Variants in ZNF609 observed in about 807,000 individuals in gnomAD.
ZNF609 encodes zinc finger protein 609.
Under a neutral mutation model 109.5 loss-of-function variants are expected in ZNF609, and 11 were observed. The observed-to-expected ratio is 0.10, with a 90% CI of 0.06 to 0.17. The LOEUF is 0.17. ZNF609 is among the 10% of genes least tolerant of loss of function. The pLI, the probability that ZNF609 is intolerant of heterozygous loss-of-function variation, is 1.00. For synonymous variants in ZNF609, 646 were observed against 662.0 expected (o/e 0.98, Z 0.37); for missense variants, 1,559 against 1,772.4 (o/e 0.88, Z 2.16).
intron 3 of ZNF609, among the ~76,000 whole-genome samples, chr15:64,629,234 A>G (rs958315302): frequency 1.3e-5 from 2 of 152,182 alleles, no homozygotes; most frequent in African/African-American, 4.8e-5. Flanking sequence ...GCCACTAGAT[A>G]GGGTCTGTAG....
At chr15:64,660,295 G>A (rs1355193636) in intron 3 of ZNF609, among the ~76,000 whole-genome samples, 1 of 152,104 alleles carries the variant, frequency 6.6e-6, no homozygotes, top group African/African-American at 2.4e-5. Context: ...TTCAGTGAGA[G>A]TTCATTCTGA....
At chr15:64,595,888 C>CT (rs1417695416) in intron 2 of ZNF609, among the ~76,000 whole-genome samples, 1 of 152,196 alleles carries the variant, frequency 6.6e-6, no homozygotes, top group Non-Finnish European at 1.5e-5. Context: ...ACAGTGACTG[C>CT]TATTGACAGA....
Position 64,682,024 on chromosome 15 carries a change from C to G in ZNF609, c.*338C>G, listed in dbSNP as rs2083212740. ...AGCCCAGAGAAGCCACTGCTCTGTT[C>G]CCCAAGCCCTTGGTCTGCTGCTGGA... On this transcript the variant is annotated 3_prime_UTR_variant, in exon 10 of 10. Transcript: ENST00000326648. The G allele has an allele frequency of 6.5e-6, 1 of 152,888 alleles. No individual in the cohort carries two copies. The highest frequency in any genetic ancestry group is 6.5e-5 in the Admixed American group (1 of 15,290). 9.5% of individuals were successfully genotyped at this position (152,888 alleles called of 1,614,324 possible).
intron 3 of ZNF609, among the ~76,000 whole-genome samples, chr15:64,639,817 A>G (rs941035653): frequency 1.3e-5 from 2 of 152,220 alleles, no homozygotes; most frequent in Admixed American, 6.5e-5. Flanking sequence ...TTTTCTAGAA[A>G]TGTGCATAAT....
chr15:64,476,058 G>A (rs1350245170), intron 1 of ZNF609, among the ~76,000 whole-genome samples: 4 of 152,174 alleles, frequency 2.6e-5, no homozygotes, highest in Non-Finnish European at 4.4e-5. Flanking sequence ...ATACATCCGA[G>A]CTGATAGAAA....
chr15:64,600,153 A>C (rs975558937), intron 2 of ZNF609, among the ~76,000 whole-genome samples: 1 of 152,112 alleles, frequency 6.6e-6, no homozygotes, highest in Non-Finnish European at 1.5e-5. Flanking sequence ...CCCCATCTCT[A>C]AAAAATAGAA....
chr15:64,661,272 A>G (rs970011647), intron 3 of ZNF609, among the ~76,000 whole-genome samples: 1 of 152,280 alleles, frequency 6.6e-6, no homozygotes, highest in South Asian at 2.1e-4. Flanking sequence ...GCGTATCACT[A>G]TCTGACATAT....
Position 64,674,357 on chromosome 15 carries a change from C to A in ZNF609, c.1503C>A (p.Asn501Lys). The change falls in exon 5 of 10, where the codon AAC becomes AAA. Residue 501 changes from asparagine (N) to lysine (K), a missense_variant. Asn to Lys is a moderately conservative substitution (Grantham distance 94). Transcript: ENST00000326648. The part of the protein sequence containing the change: ...SPVLIDCPHP[N>K]CNKKYKHING... The stretch of plus-strand genomic sequence containing the variant: ...TCCTAATTGACTGTCCCCACCCAAA[C>A]TGCAACAAGAAGTACAAGCACATCA... 1 of 1,614,142 alleles carries A rather than the reference C, an allele frequency of 6.2e-7. No individual in the cohort carries two copies. The highest frequency in any genetic ancestry group is 8.5e-7 in the Non-Finnish European group (1 of 1,180,036).
At chr15:64,517,380 C>G (rs1893829333) in intron 2 of ZNF609, among the ~76,000 whole-genome samples, 1 of 152,048 alleles carries the variant, frequency 6.6e-6, no homozygotes, top group South Asian at 2.1e-4. Context: ...CTGTCTCAAA[C>G]AAAACAAAAC....
chr15:64,515,443 C>T (rs551515932), intron 2 of ZNF609, among the ~76,000 whole-genome samples: 1 of 152,158 alleles, frequency 6.6e-6, no homozygotes, highest in Admixed American at 6.5e-5. Context: ...GCACAATATG[C>T]CTCTCCCTGG....
At chr15:64,528,929 G>T in intron 2 of ZNF609, 1 of 1,247,842 alleles carries the variant, frequency 8.0e-7, no homozygotes. Flanking sequence ...GGTTTTTCCA[G>T]ACGACAGGTC....
intron 2 of ZNF609, chr15:64,529,615 G>C: frequency 8.8e-7 from 1 of 1,140,254 alleles, no homozygotes; most frequent in Non-Finnish European, 1.3e-6. Flanking sequence ...AGCAGTCATG[G>C]TGCACCAGGC....
intron 2 of ZNF609, among the ~76,000 whole-genome samples, chr15:64,504,957 C>A (rs956501881): frequency 2.6e-5 from 4 of 152,124 alleles, no homozygotes; most frequent in Non-Finnish European, 1.5e-5. Flanking sequence ...CCACACCCAG[C>A]CATTTTTTCA....
intron 2 of ZNF609, among the ~76,000 whole-genome samples, chr15:64,519,406 G>T (rs1014029404): frequency 4.6e-5 from 7 of 152,142 alleles, no homozygotes; most frequent in African/African-American, 1.7e-4. Flanking sequence ...ATGGGTCACT[G>T]AGGAACACCA....
At chr15:64,484,170 T>G (rs1466481049) in intron 1 of ZNF609, among the ~76,000 whole-genome samples, 1 of 152,076 alleles carries the variant, frequency 6.6e-6, no homozygotes, top group Non-Finnish European at 1.5e-5. Flanking sequence ...ATGTTTCACA[T>G]AAGTGAAATA....
chr15:64,642,863 TAAC>T (rs1207339756), intron 3 of ZNF609, among the ~76,000 whole-genome samples: 4 of 152,170 alleles, frequency 2.6e-5, no homozygotes, highest in South Asian at 2.1e-4. Flanking sequence ...GGTTTTCAGA[TAAC>T]AACTATGCAC....
At chr15:64,521,658 G>A (rs1427159592) in intron 2 of ZNF609, among the ~76,000 whole-genome samples, 2 of 152,318 alleles carry the variant, frequency 1.3e-5, no homozygotes, top group Non-Finnish European at 2.9e-5. Flanking sequence ...CCTAAGCAGG[G>A]AACCTTCAAT....
At position 64,578,149 on chromosome 15, in the gene ZNF609, A is replaced by T. The variant is rs375178636; in HGVS notation, c.748-44678A>T. Among the ~76,000 whole-genome samples, 485 of 151,982 alleles carry T rather than the reference A, an allele frequency of 3.2e-3. 3 individuals are homozygous for T. The highest frequency in any genetic ancestry group is 0.014 in the Middle Eastern group (4 of 294). ...ATAAAAGTTTAAGATTTATTTATTT[A>T]TTTTTTTATTTTTTTGAGACAGTCT... On this transcript the variant is annotated intron_variant, in intron 2 of 9. Transcript: ENST00000326648.
chr15:64,580,958 T>C (rs948493575), intron 2 of ZNF609, among the ~76,000 whole-genome samples: 5 of 7,096 alleles, frequency 7.0e-4, no homozygotes, highest in Non-Finnish European at 1.1e-3. Context: ...ATGTCTTCTT[T>C]TTTTTTTTTT....
Sources: allele counts gnomAD v4.1 joint callset (sites outside exome capture counted in the v4.1 genomes callset), GRCh38; gene constraint gnomAD v4.1.1; transcripts MANE v1.5; gene names NCBI Gene and HGNC (gene_info 2026-07-23, HGNC 2026-07-21).